The following TASP1 variants were observed in gnomAD, a reference collection of about 807,000 sequenced individuals.
The protein encoded by TASP1 is threonine aspartase 1.
TASP1 carries 16 observed loss-of-function variants against 56.6 expected under a neutral mutation model. That is an observed-to-expected ratio of 0.28 (90% CI 0.19 to 0.43). The LOEUF is 0.43. Ranked by LOEUF, TASP1 falls within the 20% of genes least tolerant of loss-of-function variation. TASP1 has a pLI of 1.00. For synonymous variants in TASP1, 179 were observed against 184.2 expected (o/e 0.97, Z 0.23); for missense variants, 393 against 511.6 (o/e 0.77, Z 2.24).
chr20:13,204,903 C>A, the TASP1 span, among the ~76,000 whole-genome samples: 18 of 152,196 alleles, frequency 1.2e-4, no homozygotes, highest in African/African-American at 3.4e-4. Context: ...CTGCAGAGGG[C>A]TGGTGGCTCT....
chr20:13,156,950 G>A, the TASP1 span, among the ~76,000 whole-genome samples: 4 of 152,234 alleles, frequency 2.6e-5, no homozygotes. Flanking sequence ...CTTCCATATT[G>A]CTATATTAGA....
intron 7 of TASP1, among the ~76,000 whole-genome samples, chr20:13,564,908 TG>T (rs978235949): frequency 2.0e-5 from 3 of 149,406 alleles, no homozygotes; most frequent in African/African-American, 7.4e-5. Flanking sequence ...CAGGAGGCTG[TG>T]GCAGGAGAAT....
chr20:13,198,479 C>T, the TASP1 span, among the ~76,000 whole-genome samples: 1 of 152,268 alleles, frequency 6.6e-6, no homozygotes, highest in African/African-American at 2.4e-5. Flanking sequence ...TCCCCACCTC[C>T]TAATACTATC....
At chr20:13,216,543 G>T in the TASP1 span, among the ~76,000 whole-genome samples, 2 of 151,984 alleles carry the variant, frequency 1.3e-5, no homozygotes, top group Non-Finnish European at 2.9e-5. Context: ...TTGCCAAAGG[G>T]ACCTTACAGC....
At chr20:13,592,958 T>C (rs555101065) in intron 4 of TASP1, among the ~76,000 whole-genome samples, 1 of 152,284 alleles carries the variant, frequency 6.6e-6, no homozygotes, top group Non-Finnish European at 1.5e-5. Flanking sequence ...CAATACATTA[T>C]AGCCAAGTGA....
chr20:13,481,245 T>C (rs2043131096), intron 11 of TASP1, among the ~76,000 whole-genome samples: 1 of 152,154 alleles, frequency 6.6e-6, no homozygotes, highest in Non-Finnish European at 1.5e-5. Context: ...TTGTTGCAAA[T>C]GACAAGATCT....
At position 13,622,702 on chromosome 20, in the gene TASP1, ATT is replaced by A. The variant is rs2048758293; in HGVS notation, c.282+742_282+743del. Among the ~76,000 whole-genome samples the A allele has an allele frequency of 2.0e-5, 3 of 152,246 alleles. No homozygotes were observed. In the South Asian group the frequency reaches 6.2e-4, roughly 32 times the overall value. On this transcript the variant is annotated intron_variant, in intron 4 of 13. Coordinates refer to ENST00000337743, the MANE Select transcript of TASP1 (RefSeq NM_017714.3). ...TATCATCTCCTCCCTCAAACTCATC[ATT>A]GTTTTTGTCATCATGTCTTACTTGA... is the stretch of plus-strand genomic sequence containing the variant.
chr20:13,483,168 C>A, intron 11 of TASP1, 59 bp downstream of exon 11: 1 of 1,285,504 alleles, frequency 7.8e-7, no homozygotes, highest in Non-Finnish European at 1.1e-6. Context: ...ACTCATAGTG[C>A]TTATAGAAGT....
chr20:13,303,387 C>T, the TASP1 span, among the ~76,000 whole-genome samples: 1 of 152,232 alleles, frequency 6.6e-6, no homozygotes, highest in Non-Finnish European at 1.5e-5. Context: ...TGAGCCCTTG[C>T]TCAGGTTGGG....
chr20:13,458,278 C>A (rs1331671134), intron 11 of TASP1, among the ~76,000 whole-genome samples: 2 of 152,106 alleles, frequency 1.3e-5, no homozygotes, highest in East Asian at 1.9e-4. Context: ...ATGGTGAACA[C>A]CCTAAAGGAA....
At chr20:13,378,436 A>T in the TASP1 span, among the ~76,000 whole-genome samples, 1 of 151,948 alleles carries the variant, frequency 6.6e-6, no homozygotes, top group East Asian at 1.9e-4. Flanking sequence ...GTGGTCTGAG[A>T]GACTGTTTGT....
intron 8 of TASP1, among the ~76,000 whole-genome samples, chr20:13,535,849 A>C (rs1172195117): frequency 6.6e-6 from 1 of 152,176 alleles, no homozygotes; most frequent in African/African-American, 2.4e-5. Context: ...TGCTGCCGCT[A>C]TCTTAGGGAA....
At chr20:13,539,464 C>A (rs73086011) in intron 8 of TASP1, among the ~76,000 whole-genome samples, 54,327 of 151,712 alleles carry the variant, frequency 0.36, 10,476 homozygotes, top group Non-Finnish European at 0.43. Flanking sequence ...GCTGGAAGAT[C>A]CCCTGTGCCC....
intron 7 of TASP1, among the ~76,000 whole-genome samples, chr20:13,559,444 A>G (rs1375958984): frequency 6.6e-6 from 1 of 152,202 alleles, no homozygotes; most frequent in Non-Finnish European, 1.5e-5. Flanking sequence ...ACTTGGGCAC[A>G]ATGCAGTATG....
chr20:13,107,017 C>A, the TASP1 span, among the ~76,000 whole-genome samples: 1 of 152,166 alleles, frequency 6.6e-6, no homozygotes, highest in Non-Finnish European at 1.5e-5. Flanking sequence ...ATGTAGTCTG[C>A]AGCAAGTTCC....
chr20:13,196,185 A>T, the TASP1 span, among the ~76,000 whole-genome samples: 48 of 152,326 alleles, frequency 3.2e-4, no homozygotes, highest in East Asian at 8.7e-3. Flanking sequence ...CCAAGCTATT[A>T]AACTGACCAT....
At position 13,389,967 on chromosome 20, in the gene TASP1, G is replaced by A. The variant is rs2041211432; in HGVS notation, c.*393C>T. Reference sequence around the variant, plus strand: ...GTTCTGACATATCACATCAGCGACAGTTGGTACCTCTTTACGAAATAAAAA... The same window carrying A: ...GTTCTGACATATCACATCAGCGACAATTGGTACCTCTTTACGAAATAAAAA... On this transcript the variant is annotated 3_prime_UTR_variant, in exon 14 of 14. Coordinates refer to ENST00000337743, the MANE Select transcript of TASP1 (RefSeq NM_017714.3). 5.2e-6 allele frequency: 1 copy of A among 193,210 alleles called. No individual in the cohort carries two copies. The highest frequency in any genetic ancestry group is 1.1e-5 in the Non-Finnish European group (1 of 92,418). 12.0% of individuals were successfully genotyped at this position (193,210 alleles called of 1,614,324 possible).
At chr20:13,228,517 A>T in the TASP1 span, among the ~76,000 whole-genome samples, 3 of 152,298 alleles carry the variant, frequency 2.0e-5, no homozygotes, top group East Asian at 5.8e-4. Context: ...TCAGATGAGA[A>T]GTCTAATACC....
At chr20:13,389,127 C>T (rs1433140180), downstream of TASP1, among the ~76,000 whole-genome samples, 1 of 152,192 alleles carries the variant, frequency 6.6e-6, no homozygotes, top group African/African-American at 2.4e-5. Flanking sequence ...TCAACTGAAA[C>T]TATCGAGCTT....
Sources: gnomAD v4.1 joint callset for allele counts (sites outside exome capture counted in the v4.1 genomes callset) on GRCh38, gnomAD v4.1.1 for gene constraint, MANE v1.5 for transcripts, NCBI Gene and HGNC (gene_info 2026-07-23, HGNC 2026-07-21) for gene names.